ACTR2: variants seen among roughly 807,000 people sequenced by gnomAD.
The protein encoded by ACTR2 is actin-related protein 2.
A neutral mutation model predicts 50.2 loss-of-function variants in ACTR2; 5 were observed. The ratio of observed to expected loss-of-function variants is 0.10; its 90% CI spans 0.05 to 0.21. The LOEUF is 0.21. Ranked by LOEUF, ACTR2 falls within the 10% of genes least tolerant of loss-of-function variation. The pLI is 1.00. For synonymous variants in ACTR2, 140 were observed against 162.9 expected (o/e 0.86, Z 1.07); for missense variants, 180 against 480.6 (o/e 0.37, Z 5.85).
At chr2:65,237,039 C>CT (rs1671753030) in intron 1 of ACTR2, among the ~76,000 whole-genome samples, 1 of 152,142 alleles carries the variant, frequency 6.6e-6, no homozygotes, top group African/African-American at 2.4e-5. Context: ...AACAGCAAAA[C>CT]TTTTAATATT....
At position 65,260,518 on chromosome 2, in the gene ACTR2, A is replaced by G. The variant is rs114516641; in HGVS notation, c.736-729A>G. Among the ~76,000 whole-genome samples, 833 of 152,184 alleles carry G rather than the reference A, an allele frequency of 5.5e-3. 11 individuals carry two copies. Among genetic ancestry groups the G allele is most frequent in the African/African-American group, 0.019 (795 of 41,512 alleles). On this transcript the variant is annotated intron_variant, in intron 6 of 8. Transcript: ENST00000260641. The stretch of plus-strand genomic sequence containing the variant: ...AAACTCTGTCTCAATCAATCAGTCA[A>G]TCAGTGTTTTAACATGTCTGTTCTA...
intron 2 of ACTR2, among the ~76,000 whole-genome samples, chr2:65,240,861 C>T (rs893764721): frequency 5.3e-5 from 8 of 152,164 alleles, no homozygotes; most frequent in South Asian, 2.1e-4. Context: ...TGCATTAGGG[C>T]GTATCTCTTT....
intron 8 of ACTR2, among the ~76,000 whole-genome samples, chr2:65,267,862 CTTTTTTTT>C (rs70943640): frequency 5.7e-4 from 27 of 47,412 alleles, no homozygotes; most frequent in Admixed American, 1.5e-3. Flanking sequence ...TGCAAGTCCT[CTTTTTTTT>C]TTTTTTTTTT....
intron 6 of ACTR2, among the ~76,000 whole-genome samples, chr2:65,260,729 CTTTTT>C (rs34258160): frequency 7.6e-6 from 1 of 132,140 alleles, no homozygotes; most frequent in Non-Finnish European, 1.6e-5. Context: ...CGTGGCATAC[CTTTTT>C]TTTTTTTTTT....
chr2:65,237,228 T>A (rs1558620706), intron 1 of ACTR2, among the ~76,000 whole-genome samples: 1 of 152,152 alleles, frequency 6.6e-6, no homozygotes, highest in African/African-American at 2.4e-5. Context: ...TTAATTGCCC[T>A]TTCCTTGCAA....
intron 8 of ACTR2, among the ~76,000 whole-genome samples, chr2:65,268,333 G>A (rs1027479202): frequency 7.2e-5 from 11 of 152,180 alleles, no homozygotes; most frequent in African/African-American, 1.9e-4. Flanking sequence ...GGGACACCAC[G>A]TGTAAATCAG....
At chr2:65,228,944 G>T (rs2103975334) in intron 1 of ACTR2, among the ~76,000 whole-genome samples, 1 of 152,286 alleles carries the variant, frequency 6.6e-6, no homozygotes. Context: ...GCCGGCCGTG[G>T]TGGTGCTTGC....
chr2:65,264,114 G>T (rs554789346), intron 7 of ACTR2, among the ~76,000 whole-genome samples: 3 of 152,168 alleles, frequency 2.0e-5, no homozygotes, highest in Non-Finnish European at 4.4e-5. Context: ...CGTACCTAAA[G>T]TGCGGAGTCA....
intron 7 of ACTR2, among the ~76,000 whole-genome samples, chr2:65,264,659 A>G (rs2104022282): frequency 6.6e-6 from 1 of 152,342 alleles, no homozygotes; most frequent in East Asian, 1.9e-4. Context: ...ATGAAAAATT[A>G]AAAAGCAGGA....
intron 5 of ACTR2, 109 bp downstream of exon 5, chr2:65,253,973 G>A: frequency 2.4e-6 from 2 of 843,346 alleles, no homozygotes; most frequent in Non-Finnish European, 3.6e-6. Flanking sequence ...TACCACTAGA[G>A]AAATTATCCA....
intron 4 of ACTR2, among the ~76,000 whole-genome samples, chr2:65,252,476 TAA>T (rs1252799102): frequency 6.8e-6 from 1 of 146,970 alleles, no homozygotes; most frequent in Non-Finnish European, 1.5e-5. Flanking sequence ...CCGTCTCTAC[TAA>T]AAAAAAAATA....
intron 2 of ACTR2, among the ~76,000 whole-genome samples, chr2:65,241,056 A>C (rs1671833222): frequency 6.6e-6 from 1 of 151,968 alleles, no homozygotes; most frequent in Non-Finnish European, 1.5e-5. Flanking sequence ...CCTGTTAACA[A>C]AAAAAATAAA....
rs113823681 is a variant in ACTR2, at chr2:65,251,105, T to C, written c.448+6T>C. 3.5e-5 allele frequency: 56 copies of C among 1,590,990 alleles called. No individual in the cohort carries two copies. The South Asian group carries it at 6.1e-4, about 17-fold the overall frequency. ...TCTGACTTTGTACGCTCAAGGTAGG[T>C]TAAGCTTAACTGTTAGAAAAAACAC... On this transcript the variant is annotated splice_donor_region_variant and intron_variant, in intron 4 of 8. Coordinates refer to ENST00000260641, the MANE Select transcript of ACTR2 (RefSeq NM_005722.4).
Position 65,255,559 on chromosome 2 carries a change from A to T in ACTR2, c.600A>T (p.Arg200=). ...TRYLIKLLLL[R]GYAFNHSADF... The stretch of plus-strand genomic sequence containing the variant: ...TTTTGTACCAGCTACTTCTGTTGCG[A>T]GGATACGCCTTCAACCACTCTGCTG... Residue 200 remains arginine (R), a synonymous_variant, in exon 6 of 9, where the codon CGA becomes CGT. Transcript: ENST00000260641. The T allele has an allele frequency of 6.2e-7, 1 of 1,613,606 alleles. No homozygotes were observed.
At chr2:65,228,740 A>C in intron 1 of ACTR2, among the ~76,000 whole-genome samples, 1 of 152,134 alleles carries the variant, frequency 6.6e-6, no homozygotes. Context: ...TTCAGTATAC[A>C]GGTAATGTTA....
chr2:65,238,693 G>T (rs114865612), intron 1 of ACTR2, among the ~76,000 whole-genome samples: 2 of 149,900 alleles, frequency 1.3e-5, no homozygotes, highest in East Asian at 3.9e-4. Context: ...CTAGCCAGGC[G>T]CGGTGACTCA....
At chr2:65,247,633 T>G (rs1269257046) in intron 3 of ACTR2, among the ~76,000 whole-genome samples, 1 of 151,952 alleles carries the variant, frequency 6.6e-6, no homozygotes, top group South Asian at 2.1e-4. Flanking sequence ...TACTATACCT[T>G]AAGTGGATGT....
At chr2:65,254,325 A>C (rs1239268034) in intron 5 of ACTR2, among the ~76,000 whole-genome samples, 1 of 152,198 alleles carries the variant, frequency 6.6e-6, no homozygotes, top group Non-Finnish European at 1.5e-5. Flanking sequence ...AATTAATGAT[A>C]TTTGAGGAAA....
At chr2:65,228,003 G>T in intron 1 of ACTR2, 46 bp downstream of exon 1, 1 of 1,473,118 alleles carries the variant, frequency 6.8e-7, no homozygotes, top group Non-Finnish European at 9.0e-7. Flanking sequence ...ACGCCGGCGG[G>T]GACGAGCAGC....
Sources: gnomAD v4.1 joint callset for allele counts (sites outside exome capture counted in the v4.1 genomes callset) on GRCh38, gnomAD v4.1.1 for gene constraint, MANE v1.5 for transcripts, NCBI Gene and HGNC (gene_info 2026-07-23, HGNC 2026-07-21) for gene names.